The following PDE7A variants were observed in gnomAD, a reference collection of about 807,000 sequenced individuals.
PDE7A encodes the protein high affinity 3',5'-cyclic-AMP phosphodiesterase 7A.
In PDE7A, 39 loss-of-function variants were observed where a neutral mutation model predicts 64.3. The observed-to-expected ratio is 0.61, with a 90% CI of 0.47 to 0.79. The LOEUF (loss-of-function observed/expected upper bound fraction) is 0.79. PDE7A is among the 30% of genes least tolerant of loss of function. The pLI is 0.00. For missense variants in PDE7A, 470 were observed against 582.8 expected (o/e 0.81, Z 1.99); for synonymous variants, 203 against 206.8 (o/e 0.98, Z 0.16).
chr8:65,828,857 T>TATATATATATAAA (rs1307692147), intron 1 of PDE7A, among the ~76,000 whole-genome samples: 1 of 152,152 alleles, frequency 6.6e-6, no homozygotes, highest in Non-Finnish European at 1.5e-5. Flanking sequence ...TATACATGTT[T>TATATATATATAAA]TGCTACATTT....
At chr8:65,724,445 A>G in intron 10 of PDE7A, 94 bp from the exon 11 acceptor site, 1 of 708,470 alleles carries the variant, frequency 1.4e-6, no homozygotes, top group Middle Eastern at 2.5e-4. Flanking sequence ...AACCATAAAT[A>G]TAAATAAATA....
At chr8:65,786,579 G>T (rs1306847323) in intron 1 of PDE7A, among the ~76,000 whole-genome samples, 3 of 152,180 alleles carry the variant, frequency 2.0e-5, no homozygotes, top group African/African-American at 7.2e-5. Context: ...ATATAAGACT[G>T]CTGCAAATGT....
chr8:65,734,997 C>A, intron 6 of PDE7A, 103 bp from the exon 7 acceptor site: 3 of 748,996 alleles, frequency 4.0e-6, no homozygotes, highest in Admixed American at 2.0e-5. Context: ...TTTCATGTAG[C>A]TATCGGCTAA....
At chr8:65,753,520 C>T (rs112347787) in intron 3 of PDE7A, among the ~76,000 whole-genome samples, 96 of 152,274 alleles carry the variant, frequency 6.3e-4, no homozygotes, top group African/African-American at 2.0e-3. Flanking sequence ...CACCCTCACC[C>T]ACCCCTAAGC....
At chr8:65,797,395 A>C (rs1438661756) in intron 1 of PDE7A, among the ~76,000 whole-genome samples, 2 of 152,208 alleles carry the variant, frequency 1.3e-5, no homozygotes, top group Non-Finnish European at 2.9e-5. Context: ...ATAGAGGCAG[A>C]GATTGTAGTG....
chr8:65,722,695 T>C (rs750758937), intron 12 of PDE7A: 1 of 152,208 alleles, frequency 6.6e-6, no homozygotes, highest in Non-Finnish European at 1.5e-5. Flanking sequence ...TCACAGGACA[T>C]TTTCATTATG....
intron 1 of PDE7A, among the ~76,000 whole-genome samples, chr8:65,808,200 C>A (rs944823101): frequency 6.6e-6 from 1 of 152,178 alleles, no homozygotes; most frequent in African/African-American, 2.4e-5. Context: ...AATTGGCAAG[C>A]ACCATTTTTC....
intron 1 of PDE7A, among the ~76,000 whole-genome samples, chr8:65,837,442 G>A (rs537063617): frequency 2.6e-5 from 4 of 152,256 alleles, no homozygotes; most frequent in Non-Finnish European, 5.9e-5. Flanking sequence ...TTGTGTATAC[G>A]TCATGAGATA....
chr8:65,750,474 C>CTGTGTGTG (rs371620919), intron 3 of PDE7A, among the ~76,000 whole-genome samples: 2,458 of 142,602 alleles, frequency 0.017, 48 homozygotes, highest in African/African-American at 0.05. Flanking sequence ...ATTAGAATCA[C>CTGTGTGTG]TGTGTGTGTG....
intron 5 of PDE7A, among the ~76,000 whole-genome samples, chr8:65,740,692 C>T (rs1807384312): frequency 6.6e-6 from 1 of 152,174 alleles, no homozygotes; most frequent in Non-Finnish European, 1.5e-5. Context: ...TGAGCTACCA[C>T]GCCTGGCCAA....
intron 3 of PDE7A, among the ~76,000 whole-genome samples, chr8:65,758,606 T>C (rs1271484793): frequency 6.6e-6 from 1 of 152,220 alleles, no homozygotes; most frequent in Non-Finnish European, 1.5e-5. Context: ...CTTTGTGCTT[T>C]CATCTCCCTC....
intron 3 of PDE7A, among the ~76,000 whole-genome samples, chr8:65,774,395 T>C (rs1287822176): frequency 6.6e-6 from 1 of 152,172 alleles, no homozygotes; most frequent in Non-Finnish European, 1.5e-5. Context: ...TTAAAGAGCT[T>C]TGAAACTAAT....
intron 5 of PDE7A, among the ~76,000 whole-genome samples, chr8:65,741,158 T>C (rs1360555589): frequency 6.6e-6 from 1 of 152,238 alleles, no homozygotes; most frequent in Non-Finnish European, 1.5e-5. Context: ...ACATATACTA[T>C]ATTATTTTAA....
At chr8:65,761,063 T>A (rs1808468473) in intron 3 of PDE7A, among the ~76,000 whole-genome samples, 1 of 152,106 alleles carries the variant, frequency 6.6e-6, no homozygotes, top group African/African-American at 2.4e-5. Context: ...TATTGTTTTT[T>A]CTTTTTTTTT....
Position 65,841,963 on chromosome 8 carries a change from G to GGCC in PDE7A, c.-458_-456dup, listed in dbSNP as rs376061587. 53,671 of 243,592 alleles carry GGCC rather than the reference G, an allele frequency of 0.22. 5,805 individuals are homozygous for GGCC. The highest frequency in any genetic ancestry group is 0.25 in the Non-Finnish European group (31,995 of 126,162). The allele number at this position is 243,592 out of a possible 1,614,324, so 15.1% of individuals were successfully genotyped here. A position where few individuals can be genotyped will look rare whatever the true frequency, so the allele number is the denominator to read the frequency against. On this transcript the variant is annotated 5_prime_UTR_variant, in exon 1 of 13. Coordinates refer to ENST00000401827, the MANE Select transcript of PDE7A (RefSeq NM_001242318.3). The stretch of plus-strand genomic sequence containing the variant: ...GGACTCAGGAGCAGCGACCAGCTCG[G>GGCC]GCCGCCGCCGCCGCCGCCGCCGCCG...
At position 65,718,196 on chromosome 8, in the gene PDE7A, A is replaced by G. The variant is rs1175403761; in HGVS notation, c.*1094T>C. The G allele has an allele frequency of 6.6e-6, 1 of 152,232 alleles. No homozygotes were observed. The highest frequency in any genetic ancestry group is 2.4e-5 in the African/African-American group (1 of 41,450). 9.4% of individuals were successfully genotyped at this position (152,232 alleles called of 1,614,324 possible). A position where few individuals can be genotyped will look rare whatever the true frequency, so the allele number is the denominator to read the frequency against. ...CGAGTGTGGCTGCTCATTATGTCAC[A>G]TTCTAAAATAATAAATAAAAGCTTA... is the stretch of plus-strand genomic sequence containing the variant. On this transcript the variant is annotated 3_prime_UTR_variant, in exon 13 of 13. Transcript: ENST00000401827.
chr8:65,754,265 G>A (rs1207480945), intron 3 of PDE7A, among the ~76,000 whole-genome samples: 1 of 151,840 alleles, frequency 6.6e-6, no homozygotes, highest in African/African-American at 2.4e-5. Flanking sequence ...CAAGATTGAG[G>A]GTGCGTCTGC....
chr8:65,761,512 T>G (rs1808494463), intron 3 of PDE7A, among the ~76,000 whole-genome samples: 1 of 152,234 alleles, frequency 6.6e-6, no homozygotes, highest in African/African-American at 2.4e-5. Context: ...CTTGTGCTAG[T>G]TTACATGGTT....
intron 1 of PDE7A, among the ~76,000 whole-genome samples, chr8:65,812,613 C>T (rs1810283008): frequency 6.6e-6 from 1 of 151,958 alleles, no homozygotes; most frequent in Non-Finnish European, 1.5e-5. Context: ...AAAAAAACTA[C>T]CATAAAAAGT....
Sources: allele counts gnomAD v4.1 joint callset (sites outside exome capture counted in the v4.1 genomes callset), GRCh38; gene constraint gnomAD v4.1.1; transcripts MANE v1.5; gene names NCBI Gene and HGNC (gene_info 2026-07-23, HGNC 2026-07-21).